The following LRFN2 variants were observed in gnomAD, a reference collection of about 807,000 sequenced individuals.
LRFN2 encodes the protein leucine-rich repeat and fibronectin type-III domain-containing protein 2.
A neutral mutation model predicts 37.3 loss-of-function variants in LRFN2; 18 were observed. That is an observed-to-expected ratio of 0.48 (90% CI 0.33 to 0.72). LRFN2 has a LOEUF of 0.72. Among genes scored for constraint, LRFN2 ranks in the 30% least tolerant of loss-of-function variants. LRFN2 has a pLI of 0.02. For missense variants in LRFN2, 1,006 were observed against 1,060.7 expected, an observed-to-expected ratio of 0.95 and a Z score of 0.72; for synonymous variants, 556 against 466.6, an observed-to-expected ratio of 1.19 and a Z score of -2.47.
At position 40,478,614 on chromosome 6, in the gene LRFN2, C is replaced by T. The variant is rs368448968; in HGVS notation, c.-18-45483G>A. ...AATGGTATAGACAGCCCACCCCTCA[C>T]AGAGCAGGTGAATTAACCTGCTGAG... On this transcript the variant is annotated intron_variant, in intron 1 of 2. Coordinates refer to ENST00000338305, the MANE Select transcript of LRFN2 (RefSeq NM_020737.3). 2.0e-5 allele frequency among the ~76,000 whole-genome samples: 3 copies of T among 152,216 alleles called. No individual in the cohort carries two copies. The East Asian group carries it at 5.8e-4, about 29-fold the overall frequency.
intron 2 of LRFN2, among the ~76,000 whole-genome samples, chr6:40,413,588 A>G (rs1031782466): frequency 3.3e-5 from 5 of 152,192 alleles, no homozygotes; most frequent in East Asian, 1.9e-4. Flanking sequence ...TTCAAGTGGC[A>G]AGTTATAAAT....
At chr6:40,456,760 G>A (rs1219032356) in intron 1 of LRFN2, among the ~76,000 whole-genome samples, 1 of 152,156 alleles carries the variant, frequency 6.6e-6, no homozygotes, top group Non-Finnish European at 1.5e-5. Flanking sequence ...ACTCAGACCT[G>A]AGGCTCACGA....
At position 40,432,455 on chromosome 6, in the gene LRFN2, C is replaced by A. The variant is rs140980612; in HGVS notation, c.659G>T (p.Arg220Leu). 1 of 1,614,006 alleles carries A rather than the reference C, an allele frequency of 6.2e-7. No individual in the cohort carries two copies. Among genetic ancestry groups the A allele is most frequent in the Non-Finnish European group, 8.5e-7 (1 of 1,180,038 alleles). ...QKLPPDPIFA[R>L]SQASALTATP... ...GGCTGTCAAAGCCGAAGCCTGGGAG[C>A]GGGCAAAGATGGGATCAGGGGGCAG... Residue 220 changes from arginine (R) to leucine (L), a missense_variant, in exon 2 of 3, where the codon CGC becomes CTC. This residue lies in a region of LRFN2 where 303 missense variants were observed against 299.8 expected (regional missense o/e 1.01). Transcript: ENST00000338305.
At chr6:40,581,513 C>T (rs776439367) in intron 1 of LRFN2, among the ~76,000 whole-genome samples, 118 of 152,194 alleles carry the variant, frequency 7.8e-4, no homozygotes, top group Non-Finnish European at 1.3e-3. Context: ...AACCTCTCAC[C>T]TCCATGACCC....
intron 1 of LRFN2, among the ~76,000 whole-genome samples, chr6:40,581,770 T>C (rs1767408690): frequency 6.6e-6 from 1 of 152,214 alleles, no homozygotes; most frequent in Non-Finnish European, 1.5e-5. Context: ...TCTCACTAGG[T>C]ACTGAGACCC....
intron 2 of LRFN2, among the ~76,000 whole-genome samples, chr6:40,422,403 G>A (rs559482085): frequency 4.6e-5 from 7 of 152,268 alleles, no homozygotes; most frequent in South Asian, 4.1e-4. Context: ...CCTTAAAAAC[G>A]AGAATATCCA....
chr6:40,540,197 T>G (rs1456706531), intron 1 of LRFN2, among the ~76,000 whole-genome samples: 1 of 152,162 alleles, frequency 6.6e-6, no homozygotes, highest in Admixed American at 6.5e-5. Flanking sequence ...GTCAGGTGCG[T>G]GCGGGGAAAT....
intron 1 of LRFN2, among the ~76,000 whole-genome samples, chr6:40,578,314 G>C (rs943825996): frequency 6.6e-6 from 1 of 152,156 alleles, no homozygotes; most frequent in Non-Finnish European, 1.5e-5. Context: ...AGGTGGGAAG[G>C]CCAGTCCTGA....
At chr6:40,506,833 C>T (rs982925246) in intron 1 of LRFN2, among the ~76,000 whole-genome samples, 5 of 152,076 alleles carry the variant, frequency 3.3e-5, no homozygotes, top group African/African-American at 9.7e-5. Flanking sequence ...CAGTAACTGG[C>T]CTTGCAAATC....
intron 1 of LRFN2, among the ~76,000 whole-genome samples, chr6:40,477,876 G>A (rs1033177782): frequency 6.6e-6 from 1 of 152,194 alleles, no homozygotes; most frequent in South Asian, 2.1e-4. Context: ...CTCCAAGCTC[G>A]GGAAGGAGAG....
chr6:40,409,675 C>A (rs905391936), intron 2 of LRFN2, among the ~76,000 whole-genome samples: 4 of 152,146 alleles, frequency 2.6e-5, no homozygotes, highest in Non-Finnish European at 5.9e-5. Context: ...ACCTAAGACG[C>A]ACATCTACTT....
intron 1 of LRFN2, among the ~76,000 whole-genome samples, chr6:40,583,355 G>C (rs1767440877): frequency 6.6e-6 from 1 of 151,988 alleles, no homozygotes; most frequent in Non-Finnish European, 1.5e-5. Flanking sequence ...CCTGTTACCA[G>C]TCCCACCCAA....
intron 1 of LRFN2, among the ~76,000 whole-genome samples, chr6:40,572,915 A>C (rs1767212938): frequency 6.6e-6 from 1 of 152,174 alleles, no homozygotes; most frequent in African/African-American, 2.4e-5. Context: ...TGACAACTAC[A>C]TCAAATAGAA....
chr6:40,473,787 A>T (rs188340717), intron 1 of LRFN2, among the ~76,000 whole-genome samples: 1 of 152,058 alleles, frequency 6.6e-6, no homozygotes, highest in East Asian at 1.9e-4. Flanking sequence ...CCCTGTATCC[A>T]TGTGTTCTCA....
At chr6:40,440,093 C>G (rs767519422) in intron 1 of LRFN2, among the ~76,000 whole-genome samples, 2 of 151,694 alleles carry the variant, frequency 1.3e-5, no homozygotes, top group South Asian at 4.2e-4. Context: ...TTCATAAACC[C>G]GATAAAAACA....
chr6:40,393,700 C>T (rs374617024), intron 2 of LRFN2, among the ~76,000 whole-genome samples: 17 of 152,276 alleles, frequency 1.1e-4, no homozygotes, highest in African/African-American at 2.4e-4. Context: ...CAGCCCACCC[C>T]GAGGCTTGCT....
At chr6:40,441,006 G>T (rs190248401) in intron 1 of LRFN2, among the ~76,000 whole-genome samples, 1 of 152,164 alleles carries the variant, frequency 6.6e-6, no homozygotes, top group African/African-American at 2.4e-5. Flanking sequence ...CTGAGACTGG[G>T]CCGCTGTAGA....
chr6:40,454,927 C>T (rs1290409993), intron 1 of LRFN2, among the ~76,000 whole-genome samples: 2 of 152,132 alleles, frequency 1.3e-5, no homozygotes, highest in African/African-American at 2.4e-5. Flanking sequence ...ATAAGCACAT[C>T]TATTTATCTT....
chr6:40,558,888 C>T (rs773188480), intron 1 of LRFN2, among the ~76,000 whole-genome samples: 2 of 152,204 alleles, frequency 1.3e-5, no homozygotes, highest in African/African-American at 2.4e-5. Flanking sequence ...AATCCAAAGC[C>T]GGGCTTGCCC....
Sources: allele counts gnomAD v4.1 joint callset (sites outside exome capture counted in the v4.1 genomes callset), GRCh38; gene constraint gnomAD v4.1.1; regional missense constraint gnomAD v4.1.1; transcripts MANE v1.5; gene names NCBI Gene and HGNC (gene_info 2026-07-23, HGNC 2026-07-21).